Variants in CHMP1A observed in about 807,000 individuals in gnomAD.
The protein encoded by CHMP1A is VPS46 homolog A.
CHMP1A carries 17 observed loss-of-function variants against 27.0 expected under a neutral mutation model. The ratio of observed to expected loss-of-function variants is 0.63; its 90% CI spans 0.43 to 0.95. The LOEUF (loss-of-function observed/expected upper bound fraction) is 0.95. Ranked by LOEUF, CHMP1A falls within the 40% of genes least tolerant of loss-of-function variation. CHMP1A has a pLI of 0.00. For synonymous variants in CHMP1A, 131 were observed against 107.5 expected (o/e 1.22, Z -1.35); for missense variants, 275 against 264.0 (o/e 1.04, Z -0.29).
intron 1 of CHMP1A, among the ~76,000 whole-genome samples, chr16:89,655,107 T>C (rs755389993): frequency 7.9e-5 from 12 of 152,110 alleles, no homozygotes; most frequent in African/African-American, 2.9e-4. Context: ...TACTGAGTGT[T>C]CACAAATGCA....
intron 4 of CHMP1A, 172 bp downstream of exon 4, chr16:89,649,179 T>A: frequency 3.1e-6 from 1 of 323,036 alleles, no homozygotes; most frequent in Non-Finnish European, 4.9e-6. Context: ...CACCCCACGC[T>A]GATCCAGCCC....
At chr16:89,648,547 A>G (rs2059798942) in intron 4 of CHMP1A, among the ~76,000 whole-genome samples, 1 of 152,200 alleles carries the variant, frequency 6.6e-6, no homozygotes, top group African/African-American at 2.4e-5. Flanking sequence ...CCAGCAGATG[A>G]GCCTGGCCAT....
At chr16:89,656,524 C>G (rs1308555006) in intron 1 of CHMP1A, among the ~76,000 whole-genome samples, 2 of 152,220 alleles carry the variant, frequency 1.3e-5, no homozygotes, top group Admixed American at 1.3e-4. Context: ...CAGATTCTTC[C>G]TGTTCTTTGG....
At chr16:89,654,025 A>T in intron 1 of CHMP1A, 102 bp from the exon 2 acceptor site, 1 of 1,247,100 alleles carries the variant, frequency 8.0e-7, no homozygotes, top group South Asian at 1.2e-5. Context: ...CAGGAGCTAG[A>T]ACACACACAC....
rs1273669547 is a variant in CHMP1A at position 89,647,211 on chromosome 16, G to A, written c.373C>T (p.His125Tyr). 1.2e-6 allele frequency: 2 copies of A among 1,608,898 alleles called. No homozygotes were observed. The highest frequency in any genetic ancestry group is 1.3e-5 in the African/African-American group (1 of 74,858). Residue 125 changes from histidine to tyrosine, a missense_variant, in exon 5 of 7, where the codon CAT (histidine) becomes TAT (tyrosine). Transcript: ENST00000397901. ...FEQQVQNLDV[H>Y]TSVMEDSMSS... ...GGGTAGGGGCCACATACCGATGTAT[G>A]GACGTCCAGGTTCTGCACCTGCTGC...
In CHMP1A at chr16:89,645,806, G is replaced by T; in HGVS notation, c.*260C>A. ...GGTGAAAGTCCACAGGGCCCCTCTT[G>T]GCCTCCCCGCTGTGGGCCCAGAGTC... On this transcript the variant is annotated 3_prime_UTR_variant, in exon 7 of 7. Transcript: ENST00000397901. 8.9e-7 allele frequency: 1 copy of T among 1,121,468 alleles called. No homozygotes were observed. Among genetic ancestry groups the T allele is most frequent in the Non-Finnish European group, 1.2e-6 (1 of 810,088 alleles). 69.5% of individuals were successfully genotyped at this position (1,121,468 alleles called of 1,614,324 possible). A position where few individuals can be genotyped will look rare whatever the true frequency, so the allele number is the denominator to read the frequency against.
chr16:89,645,914 C>G lies in CHMP1A; in HGVS notation c.*152G>C. The G allele has an allele frequency of 6.2e-7, 1 of 1,608,280 alleles. No individual in the cohort carries two copies. The highest frequency in any genetic ancestry group is 8.5e-7 in the Non-Finnish European group (1 of 1,177,586). On this transcript the variant is annotated 3_prime_UTR_variant, in exon 7 of 7. Transcript: ENST00000397901. ...CCAACCTAAAAGAACAGGAACAACC[C>G]TAAGGCCACGCAGGCCTGGCAGGTG... is the stretch of plus-strand genomic sequence containing the variant.
At position 89,646,788 on chromosome 16, in the gene CHMP1A, C is replaced by T. The variant is rs150619230; in HGVS notation, c.382-74G>A. On this transcript the variant is annotated intron_variant, in intron 5 of 6. Transcript: ENST00000397901. ...GGCCCCACTCAGCTTCACAAGGGTA[C>T]GACTGCACTTTTCGTTCCCTCACAC... 509 of 1,481,116 alleles carry T rather than the reference C, an allele frequency of 3.4e-4. 6 individuals are homozygous for T. The highest frequency in any genetic ancestry group is 2.9e-3 in the South Asian group (241 of 83,372). 91.7% of individuals were successfully genotyped at this position (1,481,116 alleles called of 1,614,324 possible). A position where few individuals can be genotyped will look rare whatever the true frequency, so the allele number is the denominator to read the frequency against.
intron 2 of CHMP1A, 25 bp downstream of exon 2, chr16:89,653,879 G>C (rs1372002101): frequency 2.5e-6 from 4 of 1,611,284 alleles, no homozygotes; most frequent in Non-Finnish European, 3.4e-6. Flanking sequence ...AACAGGGCTG[G>C]GGTGAACGGC....
chr16:89,654,362 G>C (rs1463979899), intron 1 of CHMP1A, among the ~76,000 whole-genome samples: 1 of 152,060 alleles, frequency 6.6e-6, no homozygotes, highest in Non-Finnish European at 1.5e-5. Flanking sequence ...CTCTGGGGGT[G>C]CCGAGGCCAG....
rs113121772 is a variant in CHMP1A, at chr16:89,647,539, A to C, written c.253-208T>G. Among the ~76,000 whole-genome samples the C allele has an allele frequency of 1.6e-4, 21 of 128,648 alleles. 1 individual carries two copies. Among genetic ancestry groups the C allele is most frequent in the South Asian group, 5.2e-4 (2 of 3,846 alleles). The allele number at this position is 128,648 out of a possible 152,430, so 84.4% of individuals were successfully genotyped here. The stretch of plus-strand genomic sequence containing the variant: ...GGCCATGGAGACCCAGTGCGGGGTC[A>C]GTGGAGAAAAGGCCGCCGACGTGGA... On this transcript the variant is annotated intron_variant, in intron 4 of 6. Transcript: ENST00000397901.
At chr16:89,646,275 G>A (rs982414039) in intron 6 of CHMP1A, among the ~76,000 whole-genome samples, 188 bp from the exon 7 acceptor site, 2 of 152,222 alleles carry the variant, frequency 1.3e-5, no homozygotes, top group East Asian at 1.9e-4. Flanking sequence ...ATTCTAAAGT[G>A]TACTGCAGAC....
At chr16:89,653,020 C>CTTT (rs746886149) in intron 2 of CHMP1A, among the ~76,000 whole-genome samples, 9 of 82,184 alleles carry the variant, frequency 1.1e-4, no homozygotes, top group African/African-American at 2.8e-4. Flanking sequence ...TTTTTCTTTT[C>CTTT]TTTTTTTTTT....
At chr16:89,656,681 G>A (rs918342584) in intron 1 of CHMP1A, among the ~76,000 whole-genome samples, 2 of 152,200 alleles carry the variant, frequency 1.3e-5, no homozygotes, top group African/African-American at 2.4e-5. Context: ...CTGTGACCAG[G>A]GCCTGGCACT....
intron 4 of CHMP1A, among the ~76,000 whole-genome samples, chr16:89,647,630 A>T (rs1278536003): frequency 1.0e-5 from 1 of 96,716 alleles, no homozygotes; most frequent in Non-Finnish European, 2.4e-5. Flanking sequence ...GTCGGTGGAG[A>T]AAAGGCCGCC....
chr16:89,648,905 G>A (rs1214904759), intron 4 of CHMP1A, among the ~76,000 whole-genome samples: 1 of 151,266 alleles, frequency 6.6e-6, no homozygotes, highest in Non-Finnish European at 1.5e-5. Flanking sequence ...GATGCCTGTG[G>A]TCTCAGCTAC....
At chr16:89,653,800 G>GT (rs2059843299) in intron 2 of CHMP1A, 104 bp downstream of exon 2, 1 of 1,234,246 alleles carries the variant, frequency 8.1e-7, no homozygotes, top group African/African-American at 1.5e-5. Context: ...TCACTCAACT[G>GT]TTATATAATC....
rs115217261 is a variant in CHMP1A, at chr16:89,651,814, C to T, written c.28-168G>A. The stretch of plus-strand genomic sequence containing the variant: ...GCAGGGAAGGCGTGAAGCCTGTGGG[C>T]GTGCATCCTGGGCGGCGAGAGATGG... On this transcript the variant is annotated intron_variant, in intron 2 of 6. Coordinates refer to ENST00000397901, the MANE Select transcript of CHMP1A (RefSeq NM_002768.5). Among the ~76,000 whole-genome samples the T allele has an allele frequency of 9.8e-3, 1,493 of 152,346 alleles. 24 individuals carry two copies. The highest frequency in any genetic ancestry group is 0.035 in the African/African-American group (1,436 of 41,562).
At chr16:89,649,318 G>C (rs370517828) in intron 4 of CHMP1A, 33 bp downstream of exon 4, 3 of 1,597,560 alleles carry the variant, frequency 1.9e-6, no homozygotes, top group Non-Finnish European at 8.6e-7. Context: ...GCCAGCGAAC[G>C]CCACCCATCC....
Sources: gnomAD v4.1 joint callset for allele counts (sites outside exome capture counted in the v4.1 genomes callset) on GRCh38, gnomAD v4.1.1 for gene constraint, MANE v1.5 for transcripts, NCBI Gene and HGNC (gene_info 2026-07-23, HGNC 2026-07-21) for gene names.